Variants in VAV1 observed in about 807,000 individuals in gnomAD.
The protein encoded by VAV1 is vav guanine nucleotide exchange factor 1.
Under a neutral mutation model 128.1 loss-of-function variants are expected in VAV1, and 33 were observed. The observed-to-expected ratio is 0.26, with a 90% CI of 0.20 to 0.34. The LOEUF (loss-of-function observed/expected upper bound fraction) is 0.34. Among genes scored for constraint, VAV1 ranks in the 10% least tolerant of loss-of-function variants. The pLI, the probability that VAV1 is intolerant of heterozygous loss-of-function variation, is 1.00. For missense variants in VAV1, 715 were observed against 1,093.7 expected, an observed-to-expected ratio of 0.65 and a Z score of 4.88; for synonymous variants, 394 against 409.8, an observed-to-expected ratio of 0.96 and a Z score of 0.47.
At chr19:6,848,228 T>C (rs920099659) in intron 23 of VAV1, 114 bp downstream of exon 23, 2 of 914,680 alleles carry the variant, frequency 2.2e-6, no homozygotes, top group African/African-American at 1.7e-5. Context: ...ATCCACCTTT[T>C]ACTGAGCCCC....
chr19:6,828,292 G>A lies in VAV1; in HGVS notation c.1023+121G>A, dbSNP rs867112305. On this transcript the variant is annotated intron_variant, in intron 10 of 26. Coordinates refer to ENST00000602142, the MANE Select transcript of VAV1 (RefSeq NM_005428.4). The surrounding 1 kb of genome is among the most constrained non-coding windows in gnomAD (Gnocchi z 4.5). ...GGACGCTCGGGGATGGGTCACTGGG[G>A]TCATGTCTCAGCCTCCAGGGTCAGC... 4.0e-6 allele frequency: 6 copies of A among 1,510,918 alleles called. No individual in the cohort carries two copies. The African/African-American group carries it at 4.1e-5, about 10-fold the overall frequency. The allele number at this position is 1,510,918 out of a possible 1,614,324, so 93.6% of individuals were successfully genotyped here.
chr19:6,809,610 T>A (rs1327444980), intron 1 of VAV1, among the ~76,000 whole-genome samples: 1 of 151,730 alleles, frequency 6.6e-6, no homozygotes. Flanking sequence ...AGGTTGAACT[T>A]TGTGTTGGGG....
Position 6,852,890 on chromosome 19 carries a change from T to C in VAV1, c.2218-75T>C, listed in dbSNP as rs1972702801. The C allele has an allele frequency of 2.4e-6, 3 of 1,234,368 alleles. No homozygotes were observed. In the Admixed American group the frequency reaches 5.6e-5, roughly 23 times the overall value. 76.5% of individuals were successfully genotyped at this position (1,234,368 alleles called of 1,614,324 possible). On this transcript the variant is annotated intron_variant, in intron 24 of 26. Transcript: ENST00000602142. ...GGCCTGCTTCATGTGAGGAGTTGCA[T>C]ATGGCTGTTCCTAGCTCTGCCCCCT...
chr19:6,804,645 G>A (rs888805395), intron 1 of VAV1, among the ~76,000 whole-genome samples: 12 of 151,386 alleles, frequency 7.9e-5, no homozygotes, highest in Non-Finnish European at 1.5e-4. Context: ...TCAAATTTCC[G>A]ACCTCAGGTG....
At position 6,810,723 on chromosome 19, in the gene VAV1, C is replaced by A. The variant is rs531553167; in HGVS notation, c.205-9979C>A. On this transcript the variant is annotated intron_variant, in intron 1 of 26. Transcript: ENST00000602142. The stretch of plus-strand genomic sequence containing the variant: ...GTTATCTCAAAAAAAAAAAATTACT[C>A]TAAGTTGATTCTGAAGGATTGGGGA... Among the ~76,000 whole-genome samples, 3 of 151,958 alleles carry A rather than the reference C, an allele frequency of 2.0e-5. No homozygotes were observed. In the South Asian group the frequency reaches 6.2e-4, roughly 32 times the overall value.
intron 1 of VAV1, among the ~76,000 whole-genome samples, chr19:6,800,873 C>T (rs894766999): frequency 4.6e-5 from 7 of 152,030 alleles, no homozygotes; most frequent in East Asian, 1.9e-4. Flanking sequence ...GTGATCCGCC[C>T]GCCTCAGCCT....
At chr19:6,816,793 T>A (rs531892729) in intron 1 of VAV1, among the ~76,000 whole-genome samples, 30 of 151,144 alleles carry the variant, frequency 2.0e-4, no homozygotes, top group African/African-American at 7.3e-4. Context: ...GAAATCCCCA[T>A]CTCTAGCAAA....
chr19:6,805,434 A>G (rs765093897), intron 1 of VAV1, among the ~76,000 whole-genome samples: 40 of 151,800 alleles, frequency 2.6e-4, no homozygotes, highest in Non-Finnish European at 5.0e-4. Flanking sequence ...CAAACAAAAC[A>G]AAACAAAACA....
intron 1 of VAV1, among the ~76,000 whole-genome samples, chr19:6,802,084 G>C (rs984837249): frequency 4.6e-5 from 7 of 151,286 alleles, no homozygotes; most frequent in Non-Finnish European, 7.4e-5. Flanking sequence ...GCAAACTATA[G>C]CAAGGACAAA....
chr19:6,813,652 A>G (rs971556494), intron 1 of VAV1, among the ~76,000 whole-genome samples: 1 of 152,110 alleles, frequency 6.6e-6, no homozygotes, highest in Non-Finnish European at 1.5e-5. Context: ...TTTCTATACA[A>G]ATCTTAGGAT....
chr19:6,788,233 C>G (rs1290711092), intron 1 of VAV1, among the ~76,000 whole-genome samples: 1 of 151,962 alleles, frequency 6.6e-6, no homozygotes, highest in South Asian at 2.1e-4. Context: ...CACATCCAGC[C>G]TGCTCTAAAT....
intron 8 of VAV1, among the ~76,000 whole-genome samples, chr19:6,825,988 A>G (rs1310587264): frequency 2.6e-5 from 4 of 152,082 alleles, no homozygotes; most frequent in Non-Finnish European, 4.4e-5. Flanking sequence ...GGTTGCAGTG[A>G]GTCAAGATCA....
At chr19:6,778,628 G>C (rs911491212) in intron 1 of VAV1, among the ~76,000 whole-genome samples, 4 of 152,156 alleles carry the variant, frequency 2.6e-5, no homozygotes, top group Non-Finnish European at 5.9e-5. Flanking sequence ...CCAGCTACCC[G>C]AGAGGCTAAG....
At chr19:6,815,929 C>T (rs1396476241) in intron 1 of VAV1, among the ~76,000 whole-genome samples, 1 of 152,104 alleles carries the variant, frequency 6.6e-6, no homozygotes, top group African/African-American at 2.4e-5. Context: ...TGGCTCCCAC[C>T]CGTAATACCA....
chr19:6,838,093 G>GTCTATCTATCTATCTA (rs752424814), intron 21 of VAV1, among the ~76,000 whole-genome samples: 1 of 101,306 alleles, frequency 9.9e-6, no homozygotes, highest in Non-Finnish European at 2.3e-5. Context: ...CTGTCTGTCT[G>GTCTATCTATCTATCTA]TCTGTCTATC....
At chr19:6,813,822 G>A (rs1971563266) in intron 1 of VAV1, among the ~76,000 whole-genome samples, 1 of 152,074 alleles carries the variant, frequency 6.6e-6, no homozygotes, top group Non-Finnish European at 1.5e-5. Context: ...GAGAGCCTGT[G>A]GTGGGAGAGT....
In VAV1 at chr19:6,848,021, C is replaced by T. The variant is rs768643429; in HGVS notation, c.2036C>T (p.Ala679Val). ...AGGTACGCAGGCCCCATGGAGCGGG[C>T]AGGGGCAGAGAGCATCCTGGCCAAC... is the stretch of plus-strand genomic sequence containing the variant. ...HLWYAGPMER[A>V]GAESILANRS... Residue 679 changes from alanine (A) to valine (V), a missense_variant, in exon 23 of 27, where the codon GCA becomes GTA. Ala to Val is a moderately conservative substitution (Grantham distance 64). Around this residue, in one of 3 missense-constraint regions of VAV1, gnomAD observed 407 missense variants for 580.6 expected, o/e 0.70. Transcript: ENST00000602142. 2 of 1,528,734 alleles carry T rather than the reference C, an allele frequency of 1.3e-6. No homozygotes were observed. The highest frequency in any genetic ancestry group is 1.7e-6 in the Non-Finnish European group (2 of 1,146,062). The allele number at this position is 1,528,734 out of a possible 1,614,324, so 94.7% of individuals were successfully genotyped here.
intron 4 of VAV1, 124 bp downstream of exon 4, chr19:6,821,983 C>T (rs1971800676): frequency 1.5e-6 from 2 of 1,361,002 alleles, no homozygotes; most frequent in African/African-American, 1.4e-5. Context: ...GGGCACACAA[C>T]CTTGCCTGAG....
chr19:6,838,471 A>T (rs1972286420), intron 21 of VAV1, among the ~76,000 whole-genome samples: 1 of 151,974 alleles, frequency 6.6e-6, no homozygotes, highest in Non-Finnish European at 1.5e-5. Context: ...TACATTCATG[A>T]TCTATTCATC....
Sources: gnomAD v4.1 joint callset for allele counts (sites outside exome capture counted in the v4.1 genomes callset) on GRCh38, gnomAD v4.1.1 for gene constraint, gnomAD v4.1.1 regional missense constraint, Gnocchi (gnomAD v3.1) non-coding constraint, MANE v1.5 for transcripts, NCBI Gene and HGNC (gene_info 2026-07-23, HGNC 2026-07-21) for gene names.